Variants in DYSF observed in about 807,000 individuals in gnomAD.
DYSF encodes dystrophy-associated fer-1-like 1.
A neutral mutation model predicts 274.9 loss-of-function variants in DYSF; 212 were observed. That is an observed-to-expected ratio of 0.77 (90% CI 0.69 to 0.86). DYSF has a LOEUF of 0.86. DYSF is among the 40% of genes least tolerant of loss of function. The probability of loss-of-function intolerance (pLI) is 0.00; values close to 1 mark genes in which losing one functional copy is unlikely to be tolerated. For missense variants in DYSF, 2,666 were observed against 2,783.2 expected (o/e 0.96, Z 0.95); for synonymous variants, 1,091 against 1,078.7 (o/e 1.01, Z -0.22).
chr2:71,534,445 C>T (rs755318473), intron 14 of DYSF, among the ~76,000 whole-genome samples: 2 of 152,150 alleles, frequency 1.3e-5, no homozygotes, highest in African/African-American at 2.4e-5. Context: ...TGTGAGGTTT[C>T]TTGTTTGGGA....
At chr2:71,546,029 A>G (rs147513944) in intron 17 of DYSF, among the ~76,000 whole-genome samples, 249 of 152,144 alleles carry the variant, frequency 1.6e-3, no homozygotes, top group African/African-American at 5.7e-3. Flanking sequence ...TTTAAGTGGC[A>G]GTAAAAGAGT....
At chr2:71,602,734 C>T in intron 35 of DYSF, 42 bp from the exon 36 acceptor site, 2 of 1,608,240 alleles carry the variant, frequency 1.2e-6, no homozygotes, top group South Asian at 2.2e-5. Flanking sequence ...CAACCCCTCT[C>T]ACCATCTCCT....
chr2:71,637,693 C>T lies in DYSF; in HGVS notation c.4528-6272C>T, dbSNP rs556628414. Among the ~76,000 whole-genome samples the T allele has an allele frequency of 2.6e-5, 4 of 152,188 alleles. No homozygotes were observed. The South Asian group carries it at 6.2e-4, about 24-fold the overall frequency. On this transcript the variant is annotated intron_variant, in intron 41 of 55. Coordinates refer to ENST00000410020, the MANE Select transcript of DYSF (RefSeq NM_001130987.2). ...TGAAGTGGAGAAGAGCTGGATTTAA[C>T]CCCAGGTGGCACTGGCCAGAAGTAC...
At chr2:71,555,918 C>A (rs756814585) in intron 21 of DYSF, 47 bp from the exon 22 acceptor site, 8 of 1,476,486 alleles carry the variant, frequency 5.4e-6, no homozygotes, top group Non-Finnish European at 7.4e-6. Flanking sequence ...AGCATGCACC[C>A]TCTGCCCTGT....
At chr2:71,456,235 TG>T (rs368621134) in intron 1 of DYSF, among the ~76,000 whole-genome samples, 7 of 152,290 alleles carry the variant, frequency 4.6e-5, no homozygotes, top group Non-Finnish European at 8.8e-5. Flanking sequence ...CAATCCGTCA[TG>T]AGCCCCTGAG....
chr2:71,544,399 C>T (rs898541880), intron 17 of DYSF, among the ~76,000 whole-genome samples: 7 of 152,062 alleles, frequency 4.6e-5, no homozygotes, highest in Non-Finnish European at 4.4e-5. Flanking sequence ...CTGTAGGAGA[C>T]CTCTAGGAGT....
chr2:71,530,774 G>A lies in DYSF; in HGVS notation c.1380+2373G>A, dbSNP rs116606043. 6.0e-3 allele frequency among the ~76,000 whole-genome samples: 914 copies of A among 152,222 alleles called. 3 individuals carry two copies. Among genetic ancestry groups the A allele is most frequent in the African/African-American group, 0.02 (840 of 41,522 alleles). On this transcript the variant is annotated intron_variant, in intron 14 of 55. Transcript: ENST00000410020. ...TCCCCGCTTCTGCTGCTCTTATGGC[G>A]TGTCTCATTCTGCCTGTCCCTCTCT...
intron 16 of DYSF, among the ~76,000 whole-genome samples, chr2:71,537,791 G>A (rs1305523611): frequency 6.6e-6 from 1 of 152,136 alleles, no homozygotes; most frequent in Admixed American, 6.5e-5. Flanking sequence ...TCACAATGGG[G>A]CTGGGATGTG....
chr2:71,520,493 C>G (rs1232855736), intron 11 of DYSF, among the ~76,000 whole-genome samples: 1 of 152,196 alleles, frequency 6.6e-6, no homozygotes, highest in African/African-American at 2.4e-5. Context: ...ATTTGGGTGA[C>G]AAGCCAGGAT....
intron 51 of DYSF, among the ~76,000 whole-genome samples, chr2:71,671,982 G>A (rs2095131419): frequency 6.6e-6 from 1 of 152,122 alleles, no homozygotes; most frequent in East Asian, 1.9e-4. Flanking sequence ...TGGCGAGGAG[G>A]AAGAGAGGTC....
chr2:71,629,063 C>T (rs557154699), intron 41 of DYSF, among the ~76,000 whole-genome samples: 56 of 152,246 alleles, frequency 3.7e-4, no homozygotes, highest in African/African-American at 1.2e-3. Context: ...GTTACAGATT[C>T]CATTCTCTCA....
At chr2:71,526,401 C>T in intron 13 of DYSF, 55 bp downstream of exon 13, 2 of 638,064 alleles carry the variant, frequency 3.1e-6, no homozygotes, top group East Asian at 6.6e-5. Flanking sequence ...AGGCGCAGGG[C>T]TGGTGGGGGT....
In DYSF at chr2:71,615,500, G is replaced by T. The variant is rs2093861141; in HGVS notation, c.4464+2090G>T. Among the ~76,000 whole-genome samples the T allele has an allele frequency of 1.3e-5, 2 of 152,224 alleles. No homozygotes were observed. On this transcript the variant is annotated intron_variant, in intron 40 of 55. Transcript: ENST00000410020. This position sits in a 1 kb window ranked among gnomAD's most constrained non-coding sequence, Gnocchi z 4.9. ...AGCCTCAAACCCAGCAGGGAGACCA[G>T]TTCTGTTCTGCAGGGAGCCCTGGCC... is the stretch of plus-strand genomic sequence containing the variant.
At chr2:71,585,910 A>T (rs1012001298) in intron 30 of DYSF, among the ~76,000 whole-genome samples, 3 of 152,024 alleles carry the variant, frequency 2.0e-5, no homozygotes, top group Non-Finnish European at 4.4e-5. Flanking sequence ...TTGCAGGGTG[A>T]CCTTGATGAT....
In DYSF at chr2:71,564,074, C is replaced by T. The variant is rs121908956; in HGVS notation, c.2426C>T (p.Pro809Leu). Reference protein sequence around the residue: ...ALAEEPQNSLPDIVIWMLQGD... With the variant: ...ALAEEPQNSLLDIVIWMLQGD... ...TCTGTTCAGCCCCAGAACAGCCTGCCGGACATCGTCATCTGGATGCTGCAG... is the reference window on the plus strand; with the variant it reads ...TCTGTTCAGCCCCAGAACAGCCTGCTGGACATCGTCATCTGGATGCTGCAG... The change falls in exon 24 of 56, where the codon CCG (proline) becomes CTG (leucine). Residue 809 changes from proline (P) to leucine (L), a missense_variant. Transcript: ENST00000410020. 10 of 1,614,090 alleles carry T rather than the reference C, an allele frequency of 6.2e-6. No individual in the cohort carries two copies. Among genetic ancestry groups the T allele is most frequent in the Non-Finnish European group, 8.5e-6 (10 of 1,180,030 alleles).
chr2:71,572,893 A>G (rs2092570766), intron 29 of DYSF, among the ~76,000 whole-genome samples: 2 of 152,334 alleles, frequency 1.3e-5, no homozygotes, highest in South Asian at 4.1e-4. Flanking sequence ...CATTCATGCA[A>G]TGCAAGCACA....
intron 4 of DYSF, among the ~76,000 whole-genome samples, chr2:71,509,162 A>T (rs150655881): frequency 0.01 from 1,568 of 150,944 alleles, 27 homozygotes; most frequent in African/African-American, 0.036. Flanking sequence ...AGCCGTCATG[A>T]AGTGTTTTTG....
At chr2:71,576,523 TG>T in intron 30 of DYSF, 1 of 156,304 alleles carries the variant, frequency 6.4e-6, no homozygotes, top group Non-Finnish European at 1.4e-5. Context: ...GGGCCAGAGG[TG>T]GACAGTGGGG....
At chr2:71,453,980 G>A (rs778811292) in exon 1 of DYSF, 2 of 1,613,630 alleles carry the variant, frequency 1.2e-6, no homozygotes, top group East Asian at 2.2e-5. Context: ...GGGCGCACGG[G>A]GCCCTACACG....
Sources: gnomAD v4.1 joint callset for allele counts (sites outside exome capture counted in the v4.1 genomes callset) on GRCh38, gnomAD v4.1.1 for gene constraint, Gnocchi (gnomAD v3.1) non-coding constraint, MANE v1.5 for transcripts, NCBI Gene and HGNC (gene_info 2026-07-23, HGNC 2026-07-21) for gene names.